The following DKK3 variants were observed in gnomAD, a reference collection of about 807,000 sequenced individuals.
DKK3 encodes the protein dickkopf-related protein 3.
Under a neutral mutation model 33.2 loss-of-function variants are expected in DKK3, and 22 were observed. The observed-to-expected ratio is 0.66, with a 90% CI of 0.47 to 0.95. The LOEUF is 0.95. DKK3 is among the 40% of genes least tolerant of loss of function. The pLI is 0.00. For synonymous variants in DKK3, 194 were observed against 188.8 expected (o/e 1.03, Z -0.23); for missense variants, 398 against 458.4 (o/e 0.87, Z 1.20).
At chr11:12,009,455 G>A (rs1848614395), upstream of DKK3, 18 of 921,422 alleles carry the variant, frequency 2.0e-5, no homozygotes, top group South Asian at 7.5e-4. Context: ...CGGGGCGCCG[G>A]CCACCTCACG....
intron 3 of DKK3, among the ~76,000 whole-genome samples, chr11:11,983,577 A>T (rs1296214960): frequency 6.6e-6 from 1 of 152,214 alleles, no homozygotes; most frequent in Non-Finnish European, 1.5e-5. Context: ...GACAGGCTGC[A>T]GAGGGAGAAG....
chr11:11,998,342 C>T (rs764820835), intron 3 of DKK3: 13 of 358,994 alleles, frequency 3.6e-5, no homozygotes, highest in Non-Finnish European at 6.6e-5. Flanking sequence ...AAAGGGGTAG[C>T]CATCCCAGAG....
chr11:12,008,983 G>A (rs1848603710), upstream of DKK3: 2 of 999,554 alleles, frequency 2.0e-6, no homozygotes, highest in Middle Eastern at 5.0e-4. This position sits in a 1 kb window ranked among gnomAD's most constrained non-coding sequence, Gnocchi z 4.6. Flanking sequence ...GCCCCTCCTC[G>A]ACCAGGTCAG....
intron 3 of DKK3, among the ~76,000 whole-genome samples, chr11:11,992,397 C>T (rs1421509843): frequency 6.6e-6 from 1 of 152,202 alleles, no homozygotes; most frequent in Non-Finnish European, 1.5e-5. Flanking sequence ...TTAACCACCC[C>T]CTCTGAAGTG....
intron 3 of DKK3, chr11:11,980,049 T>A (rs1188377422): frequency 6.6e-6 from 1 of 152,252 alleles, no homozygotes; most frequent in Non-Finnish European, 1.5e-5. Context: ...CTGTGGCAGC[T>A]CTCTGCTCTG....
intron 3 of DKK3, among the ~76,000 whole-genome samples, chr11:11,972,219 G>A (rs183170454): frequency 2.0e-5 from 3 of 152,314 alleles, no homozygotes; most frequent in African/African-American, 7.2e-5. Flanking sequence ...CTTGGTGAAC[G>A]GTGGCCATAG....
chr11:11,994,215 C>T (rs1488646666), intron 3 of DKK3, among the ~76,000 whole-genome samples: 1 of 152,036 alleles, frequency 6.6e-6, no homozygotes, highest in Non-Finnish European at 1.5e-5. Flanking sequence ...AAATTAGAAC[C>T]CAGTTTTAAT....
In DKK3 at chr11:11,999,835, G is replaced by C. The variant is rs544504583; in HGVS notation, c.352-1056C>G. On this transcript the variant is annotated intron_variant, in intron 2 of 6. Coordinates refer to ENST00000683431, the MANE Select transcript of DKK3 (RefSeq NM_001018057.2). ...GTCTCTGCCAGCTCTAATATCACAGGAATCTGCAGCCAGGACAAAGTGGAA... is the reference window on the plus strand; with the variant it reads ...GTCTCTGCCAGCTCTAATATCACAGCAATCTGCAGCCAGGACAAAGTGGAA... 1.3e-3 allele frequency among the ~76,000 whole-genome samples: 194 copies of C among 152,260 alleles called. 2 individuals carry two copies. Among genetic ancestry groups the C allele is most frequent in the Non-Finnish European group, 2.0e-3 (139 of 68,026 alleles).
intron 3 of DKK3, among the ~76,000 whole-genome samples, chr11:11,983,640 G>A (rs1848003522): frequency 6.6e-6 from 1 of 152,204 alleles, no homozygotes; most frequent in Non-Finnish European, 1.5e-5. Context: ...TGCAGCCACA[G>A]GACAGAGGCC....
rs767595701 is a variant in DKK3, at chr11:12,008,459, G to T, written c.124C>A (p.Gln42Lys). Residue 42 changes from glutamine to lysine, a missense_variant, in exon 1 of 7, where the codon CAG becomes AAG. Gln to Lys is a moderately conservative substitution (Grantham distance 53, BLOSUM62 1). Transcript: ENST00000683431. This position sits in a 1 kb window ranked among gnomAD's most constrained non-coding sequence, Gnocchi z 4.6. ...ATCTCATTGAGGGTGGCCTCCTCCT[G>T]CGGGTAGCTGAGAGCCGGGCCGGGC... ...VKPGPALSYP[Q>K]EEATLNEMFR... 1.9e-6 allele frequency: 3 copies of T among 1,609,888 alleles called. No homozygotes were observed. Among genetic ancestry groups the T allele is most frequent in the Non-Finnish European group, 2.5e-6 (3 of 1,179,502 alleles).
chr11:12,000,506 C>T (rs1733232676), intron 2 of DKK3, among the ~76,000 whole-genome samples: 2 of 137,148 alleles, frequency 1.5e-5, no homozygotes, highest in South Asian at 2.3e-4. Context: ...CGTGCCTGGC[C>T]TTTTTTTTTT....
intron 3 of DKK3, among the ~76,000 whole-genome samples, chr11:11,989,996 C>G (rs1370453149): frequency 1.3e-5 from 2 of 152,172 alleles, no homozygotes; most frequent in African/African-American, 2.4e-5. Flanking sequence ...TAAGGGAATA[C>G]TGGGACATGT....
At chr11:11,987,758 C>A (rs545214844) in intron 3 of DKK3, among the ~76,000 whole-genome samples, 24 of 152,314 alleles carry the variant, frequency 1.6e-4, no homozygotes, top group African/African-American at 5.8e-4. Flanking sequence ...CCTGTCTTTA[C>A]ACAAATAGCT....
chr11:11,998,919 C>T (rs1848362269), intron 2 of DKK3, 140 bp from the exon 3 acceptor site: 4 of 700,776 alleles, frequency 5.7e-6, no homozygotes, highest in Non-Finnish European at 7.4e-6. Flanking sequence ...CGCTTTCTTT[C>T]TGAGTTCCCC....
chr11:11,983,955 G>A (rs1045589896), intron 3 of DKK3, among the ~76,000 whole-genome samples: 7 of 152,208 alleles, frequency 4.6e-5, no homozygotes, highest in Non-Finnish European at 8.8e-5. Flanking sequence ...GGAACCTCAA[G>A]GTTAAGTCTT....
chr11:11,982,181 C>T (rs970321963), intron 3 of DKK3, among the ~76,000 whole-genome samples: 12 of 152,186 alleles, frequency 7.9e-5, no homozygotes, highest in Admixed American at 3.3e-4. Context: ...GTCGGAGTCA[C>T]GGGGGCTCCC....
chr11:11,980,664 C>T (rs749704889), intron 3 of DKK3, among the ~76,000 whole-genome samples: 10 of 152,232 alleles, frequency 6.6e-5, no homozygotes, highest in Non-Finnish European at 1.3e-4. Flanking sequence ...GGGCAACTAG[C>T]GCCTCTCTCC....
At chr11:11,985,722 T>C (rs938337020) in intron 3 of DKK3, among the ~76,000 whole-genome samples, 1 of 152,222 alleles carries the variant, frequency 6.6e-6, no homozygotes. Flanking sequence ...CACTGTGTTG[T>C]AGGTGGGTTT....
At chr11:11,966,671 G>A (rs1847604077) in intron 5 of DKK3, among the ~76,000 whole-genome samples, 1 of 152,180 alleles carries the variant, frequency 6.6e-6, no homozygotes. Context: ...GAAATAAGGA[G>A]TGGTGGGAGG....
Sources: gnomAD v4.1 joint callset for allele counts (sites outside exome capture counted in the v4.1 genomes callset) on GRCh38, gnomAD v4.1.1 for gene constraint, Gnocchi (gnomAD v3.1) non-coding constraint, MANE v1.5 for transcripts, NCBI Gene and HGNC (gene_info 2026-07-23, HGNC 2026-07-21) for gene names.